CCSER1: variants seen among roughly 807,000 people sequenced by gnomAD.
CCSER1 encodes the protein serine-rich coiled-coil domain-containing protein 1.
A neutral mutation model predicts 82.0 loss-of-function variants in CCSER1; 41 were observed. The observed-to-expected ratio is 0.50, with a 90% confidence interval of 0.39 to 0.65. The LOEUF (loss-of-function observed/expected upper bound fraction) is 0.65. CCSER1 is among the 30% of genes least tolerant of loss of function. CCSER1 has a pLI of 0.00. For missense variants in CCSER1, 1,119 were observed against 1,064.2 expected, an observed-to-expected ratio of 1.05 and a Z score of -0.72; for synonymous variants, 414 against 383.9, an observed-to-expected ratio of 1.08 and a Z score of -0.92.
rs1458979665 is a variant in CCSER1, at chr4:91,602,646, A to AACTT, written c.*3591_*3594dup. On this transcript the variant is annotated 3_prime_UTR_variant, in exon 11 of 11. Coordinates refer to ENST00000509176, the MANE Select transcript of CCSER1 (RefSeq NM_001145065.2). ...ATTTTTACTACTTTTTCACTTTCAGAACTTAACATTCTAAACAGCTATAGA... is the reference window on the plus strand; with the variant it reads ...ATTTTTACTACTTTTTCACTTTCAGAACTTACTTAACATTCTAAACAGCTATAGA... 6.6e-6 allele frequency among the ~76,000 whole-genome samples: 1 copy of AACTT among 151,844 alleles called. No homozygotes were observed. Among genetic ancestry groups the AACTT allele is most frequent in the South Asian group, 2.1e-4 (1 of 4,832 alleles).
At chr4:91,076,364 GCTC>G (rs1459591182) in intron 9 of CCSER1, among the ~76,000 whole-genome samples, 2 of 150,530 alleles carry the variant, frequency 1.3e-5, no homozygotes, top group African/African-American at 4.9e-5. Flanking sequence ...CTTATTCCCA[GCTC>G]CTTTTAATCA....
intron 5 of CCSER1, among the ~76,000 whole-genome samples, chr4:90,621,021 G>T (rs1412555829): frequency 1.3e-5 from 2 of 152,148 alleles, no homozygotes; most frequent in East Asian, 3.9e-4. Flanking sequence ...GTTTCACCAT[G>T]TTGTCCAGGC....
At chr4:90,939,159 A>C (rs1328382579) in intron 9 of CCSER1, among the ~76,000 whole-genome samples, 1 of 152,140 alleles carries the variant, frequency 6.6e-6, no homozygotes. Context: ...CTTCCATCTT[A>C]GTAGGACATT....
chr4:90,331,951 A>C (rs1198103739), intron 3 of CCSER1, among the ~76,000 whole-genome samples: 1 of 152,030 alleles, frequency 6.6e-6, no homozygotes, highest in Non-Finnish European at 1.5e-5. Context: ...AGGTATCTTC[A>C]TCTCTATTTT....
chr4:90,648,441 GA>G (rs1354251658), intron 6 of CCSER1, among the ~76,000 whole-genome samples: 1 of 152,118 alleles, frequency 6.6e-6, no homozygotes, highest in Non-Finnish European at 1.5e-5. Context: ...CATACTATAA[GA>G]GAGAGTTTCT....
intron 9 of CCSER1, among the ~76,000 whole-genome samples, chr4:91,042,104 C>G (rs1742012574): frequency 6.6e-6 from 1 of 151,986 alleles, no homozygotes; most frequent in Non-Finnish European, 1.5e-5. Flanking sequence ...GGCTGTGTCC[C>G]CACCCAAAAT....
In CCSER1 at chr4:91,463,874, C is replaced by T. The variant is rs1167398921; in HGVS notation, c.2218-134698C>T. Reference sequence around the variant, plus strand: ...CTATGTGAAAAGACCAAATCTAGGTCTGATTGGTGTACCTGAAAGTAACAG... The same window carrying T: ...CTATGTGAAAAGACCAAATCTAGGTTTGATTGGTGTACCTGAAAGTAACAG... On this transcript the variant is annotated intron_variant, in intron 10 of 10. Coordinates refer to ENST00000509176, the MANE Select transcript of CCSER1 (RefSeq NM_001145065.2). Among the ~76,000 whole-genome samples the T allele has an allele frequency of 2.6e-5, 4 of 152,178 alleles. No individual in the cohort carries two copies. In the East Asian group the frequency reaches 7.7e-4, roughly 29 times the overall value.
chr4:91,443,753 TATATA>T (rs1159994081), intron 10 of CCSER1, among the ~76,000 whole-genome samples: 1 of 148,526 alleles, frequency 6.7e-6, no homozygotes, highest in African/African-American at 2.4e-5. Context: ...AAATATGTAT[TATATA>T]ATATATATAA....
intron 1 of CCSER1, among the ~76,000 whole-genome samples, chr4:90,174,987 A>G (rs767113940): frequency 9.2e-5 from 14 of 152,020 alleles, no homozygotes; most frequent in Non-Finnish European, 1.8e-4. Flanking sequence ...CCTATGACCT[A>G]GCTATTCCAA....
chr4:91,291,791 G>T (rs771986223), intron 10 of CCSER1, among the ~76,000 whole-genome samples: 1 of 151,928 alleles, frequency 6.6e-6, no homozygotes, highest in Non-Finnish European at 1.5e-5. Context: ...AGCATGTGAG[G>T]CTCTGAGTAA....
At chr4:90,335,684 A>C (rs1171737700) in intron 3 of CCSER1, among the ~76,000 whole-genome samples, 1 of 152,236 alleles carries the variant, frequency 6.6e-6, no homozygotes, top group Non-Finnish European at 1.5e-5. Context: ...ATCAAAACTT[A>C]CATAGTCATA....
intron 10 of CCSER1, among the ~76,000 whole-genome samples, chr4:91,466,754 A>G (rs1361891635): frequency 2.0e-5 from 3 of 152,316 alleles, no homozygotes; most frequent in Admixed American, 2.0e-4. Context: ...CCCATTCACA[A>G]TTGCTTCAAA....
chr4:91,333,517 T>G (rs767627278), intron 10 of CCSER1, among the ~76,000 whole-genome samples: 9 of 152,044 alleles, frequency 5.9e-5, no homozygotes. Context: ...TAAAACATAA[T>G]GACAGATTTT....
At chr4:91,595,943 T>TAAAAA (rs1170927227) in intron 10 of CCSER1, among the ~76,000 whole-genome samples, 8 of 78,864 alleles carry the variant, frequency 1.0e-4, no homozygotes, top group African/African-American at 2.6e-4. Flanking sequence ...ACAGAGAACT[T>TAAAAA]AAAAAAAAAA....
chr4:90,546,678 A>T (rs746625631), intron 5 of CCSER1, among the ~76,000 whole-genome samples: 4 of 152,132 alleles, frequency 2.6e-5, no homozygotes, highest in African/African-American at 4.8e-5. Flanking sequence ...AATTTCCTAT[A>T]AAAGATACTG....
chr4:91,187,168 GA>G (rs1440026224), intron 10 of CCSER1, among the ~76,000 whole-genome samples: 3 of 152,200 alleles, frequency 2.0e-5, no homozygotes, highest in Non-Finnish European at 4.4e-5. Flanking sequence ...CCCACTGTCT[GA>G]CAAGCCCCAG....
intron 10 of CCSER1, among the ~76,000 whole-genome samples, chr4:91,576,183 G>T (rs1165123601): frequency 6.6e-6 from 1 of 151,846 alleles, no homozygotes; most frequent in Non-Finnish European, 1.5e-5. Flanking sequence ...AATTATCTAT[G>T]TCTAAATCAA....
rs866201874 is a variant in CCSER1 at position 90,882,266 on chromosome 4, G to A, written c.2095-41104G>A. On this transcript the variant is annotated intron_variant, in intron 8 of 10. Coordinates refer to ENST00000509176, the MANE Select transcript of CCSER1 (RefSeq NM_001145065.2). ...GCTAAAGTCATTGACACAAATTTAC[G>A]AAGGGACATGAATGGATACATCTGC... Among the ~76,000 whole-genome samples the A allele has an allele frequency of 9.2e-5, 14 of 151,986 alleles. No homozygotes were observed. The South Asian group carries it at 1.5e-3, about 16-fold the overall frequency.
intron 7 of CCSER1, among the ~76,000 whole-genome samples, chr4:90,773,432 A>G (rs902113920): frequency 6.6e-6 from 1 of 152,148 alleles, no homozygotes; most frequent in African/African-American, 2.4e-5. Context: ...TTCCTTTAGG[A>G]CACTAAAAAT....
Sources: gnomAD v4.1 joint callset for allele counts (sites outside exome capture counted in the v4.1 genomes callset) on GRCh38, gnomAD v4.1.1 for gene constraint, MANE v1.5 for transcripts, NCBI Gene and HGNC (gene_info 2026-07-23, HGNC 2026-07-21) for gene names.